L3MBTL4: variants seen among roughly 807,000 people sequenced by gnomAD.
L3MBTL4 encodes lethal(3)malignant brain tumor-like protein 4.
A neutral mutation model predicts 84.5 loss-of-function variants in L3MBTL4; 70 were observed. That is an observed-to-expected ratio of 0.83 (90% confidence interval 0.68 to 1.01). The LOEUF (loss-of-function observed/expected upper bound fraction) is 1.01, where lower values mean the gene tolerates loss of function less well. Among genes scored for constraint, L3MBTL4 ranks in the 50% least tolerant of loss-of-function variants. The pLI, the probability that L3MBTL4 is intolerant of heterozygous loss-of-function variation, is 0.00. For missense variants in L3MBTL4, 715 were observed against 754.8 expected (o/e 0.95, Z 0.62); for synonymous variants, 274 against 259.8 (o/e 1.05, Z -0.52).
chr18:6,163,826 A>T (rs2043490952), intron 13 of L3MBTL4, among the ~76,000 whole-genome samples: 1 of 152,176 alleles, frequency 6.6e-6, no homozygotes. Flanking sequence ...AACGCTGGAC[A>T]GTGGGTGCAG....
chr18:6,238,748 T>C (rs540018287), intron 9 of L3MBTL4, among the ~76,000 whole-genome samples: 2 of 152,192 alleles, frequency 1.3e-5, no homozygotes, highest in East Asian at 3.9e-4. Flanking sequence ...CTAAGACACA[T>C]ATACAACAAT....
At chr18:6,324,868 G>T (rs1040838112) in intron 1 of L3MBTL4, among the ~76,000 whole-genome samples, 1 of 152,182 alleles carries the variant, frequency 6.6e-6, no homozygotes, top group Non-Finnish European at 1.5e-5. Context: ...AAAGGGCAAA[G>T]CTTTGAATAT....
chr18:6,322,437 G>GGAAGCAAA (rs1167291632), intron 1 of L3MBTL4, among the ~76,000 whole-genome samples: 1 of 145,678 alleles, frequency 6.9e-6, no homozygotes, highest in Non-Finnish European at 1.5e-5. Flanking sequence ...CAGGGAGGGA[G>GGAAGCAAA]GAAGGAAAGA....
intron 1 of L3MBTL4, among the ~76,000 whole-genome samples, chr18:6,354,179 G>C (rs549382257): frequency 6.6e-6 from 1 of 152,166 alleles, no homozygotes; most frequent in East Asian, 1.9e-4. Context: ...ACACACACTG[G>C]GGAAAAGACA....
rs117228133 is a variant in L3MBTL4 at position 6,246,330 on chromosome 18, C to T, written c.220-1742G>A. On this transcript the variant is annotated intron_variant, in intron 5 of 18. Coordinates refer to ENST00000317931, the MANE Select transcript of L3MBTL4 (RefSeq NM_001330559.2). ...ACTTTGCTATATTTATTTCTAGATA[C>T]CTTTGAATGTTTATAGCTATTTTTA... is the stretch of plus-strand genomic sequence containing the variant. 7.2e-4 allele frequency among the ~76,000 whole-genome samples: 110 copies of T among 152,174 alleles called. 2 individuals are homozygous for T. In the East Asian group the frequency reaches 0.021, roughly 28 times the overall value.
chr18:6,389,711 C>T lies in L3MBTL4; in HGVS notation c.-91+25090G>A, dbSNP rs531381016. Among the ~76,000 whole-genome samples the T allele has an allele frequency of 3.4e-4, 52 of 152,208 alleles. 1 individual carries two copies. The South Asian group carries it at 6.2e-3, about 18-fold the overall frequency. On this transcript the variant is annotated intron_variant, in intron 1 of 18. Transcript: ENST00000317931. ...AGCAGTTAAAAAAGACAAAGAGGGA[C>T]ATTATATAATGATAAACGGACTAGT...
At position 6,185,963 on chromosome 18, in the gene L3MBTL4, TA is replaced by T. The variant is rs1305123144; in HGVS notation, c.982-14022del. On this transcript the variant is annotated intron_variant, in intron 12 of 18. Coordinates refer to ENST00000317931, the MANE Select transcript of L3MBTL4 (RefSeq NM_001330559.2). Reference sequence around the variant, plus strand: ...TGAAAACCAAAAAGGGCACTTTCTTTATTTTATTTTATTTTATTTTATTTTA... The same window carrying T: ...TGAAAACCAAAAAGGGCACTTTCTTTTTTTATTTTATTTTATTTTATTTTA... 1.5e-3 allele frequency among the ~76,000 whole-genome samples: 213 copies of T among 139,318 alleles called. 3 individuals are homozygous for T. Among genetic ancestry groups the T allele is most frequent in the African/African-American group, 5.8e-3 (204 of 35,090 alleles). The allele number at this position is 139,318 out of a possible 152,430, so 91.4% of individuals were successfully genotyped here. A position where few individuals can be genotyped will look rare whatever the true frequency, so the allele number is the denominator to read the frequency against.
chr18:6,345,242 A>T (rs1464423736), intron 1 of L3MBTL4, among the ~76,000 whole-genome samples: 1 of 149,888 alleles, frequency 6.7e-6, no homozygotes, highest in South Asian at 2.1e-4. Context: ...AAAAAGAAAA[A>T]AAAAAAGAGC....
chr18:6,095,284 G>A (rs936337161), intron 14 of L3MBTL4, among the ~76,000 whole-genome samples: 3 of 151,802 alleles, frequency 2.0e-5, no homozygotes, highest in African/African-American at 7.3e-5. Context: ...GCACTTTCTT[G>A]GGAAGTCCCA....
intron 14 of L3MBTL4, among the ~76,000 whole-genome samples, chr18:6,094,790 A>G (rs1250077444): frequency 6.6e-6 from 1 of 152,128 alleles, no homozygotes; most frequent in Non-Finnish European, 1.5e-5. Context: ...TTCTAACCCC[A>G]AAAGGACTTT....
intron 16 of L3MBTL4, among the ~76,000 whole-genome samples, chr18:6,020,363 G>A (rs1468751422): frequency 6.6e-6 from 1 of 152,126 alleles, no homozygotes; most frequent in Non-Finnish European, 1.5e-5. Context: ...AAGGCAAGAG[G>A]TGAGAGGGCA....
chr18:5,967,452 T>G (rs2052409837), intron 17 of L3MBTL4, among the ~76,000 whole-genome samples: 1 of 152,270 alleles, frequency 6.6e-6, no homozygotes, highest in Admixed American at 6.5e-5. Context: ...CTCACTTCCA[T>G]GCAGCCACCT....
chr18:6,142,738 T>A (rs1325648242), intron 13 of L3MBTL4, among the ~76,000 whole-genome samples: 1 of 152,096 alleles, frequency 6.6e-6, no homozygotes, highest in African/African-American at 2.4e-5. Context: ...CTGGGTAACA[T>A]AGACCTTATT....
intron 5 of L3MBTL4, among the ~76,000 whole-genome samples, chr18:6,245,143 C>T (rs1599316428): frequency 6.6e-6 from 1 of 152,164 alleles, no homozygotes; most frequent in Non-Finnish European, 1.5e-5. Context: ...TTGTGATCTA[C>T]CCGCCTTGGC....
chr18:6,325,347 G>T (rs1200811873), intron 1 of L3MBTL4, among the ~76,000 whole-genome samples: 1 of 152,110 alleles, frequency 6.6e-6, no homozygotes, highest in East Asian at 1.9e-4. Flanking sequence ...CAAGCCAAAA[G>T]ACTATATACT....
At chr18:6,241,832 G>C (rs528659174) in intron 7 of L3MBTL4, among the ~76,000 whole-genome samples, 102 of 152,208 alleles carry the variant, frequency 6.7e-4, no homozygotes, top group African/African-American at 2.2e-3. Flanking sequence ...AATGGGCAAA[G>C]GGATGAGACC....
intron 14 of L3MBTL4, among the ~76,000 whole-genome samples, chr18:6,126,644 A>T (rs2059704093): frequency 1.3e-5 from 2 of 152,198 alleles, no homozygotes; most frequent in Non-Finnish European, 2.9e-5. Context: ...TAGAAAAAAA[A>T]ATCATTGAAT....
intron 5 of L3MBTL4, among the ~76,000 whole-genome samples, chr18:6,253,954 C>T (rs1010962274): frequency 6.6e-6 from 1 of 152,182 alleles, no homozygotes; most frequent in African/African-American, 2.4e-5. Context: ...TACACTAATA[C>T]ACGCACACAC....
chr18:5,981,538 A>G (rs374648635), intron 16 of L3MBTL4, among the ~76,000 whole-genome samples: 27 of 152,136 alleles, frequency 1.8e-4, no homozygotes, highest in African/African-American at 6.5e-4. Context: ...TCCAAGGGCT[A>G]GGTGCAGTGG....
Sources: gnomAD v4.1 joint callset for allele counts (sites outside exome capture counted in the v4.1 genomes callset) on GRCh38, gnomAD v4.1.1 for gene constraint, MANE v1.5 for transcripts, NCBI Gene and HGNC (gene_info 2026-07-23, HGNC 2026-07-21) for gene names.